MADD: variants seen among roughly 807,000 people sequenced by gnomAD.
MADD encodes the protein MAP kinase-activating death domain protein.
A neutral mutation model predicts 176.7 loss-of-function variants in MADD; 109 were observed. The ratio of observed to expected loss-of-function variants is 0.62; its 90% confidence interval spans 0.53 to 0.72. The LOEUF is 0.72. MADD is among the 30% of genes least tolerant of loss of function. MADD has a pLI of 0.00. For synonymous variants in MADD, 771 were observed against 771.3 expected (o/e 1.00, Z 0.01); for missense variants, 1,914 against 2,045.5 (o/e 0.94, Z 1.24).
At chr11:47,301,885 T>G (rs921475160) in intron 22 of MADD, among the ~76,000 whole-genome samples, 8 of 152,238 alleles carry the variant, frequency 5.3e-5, no homozygotes, top group African/African-American at 1.7e-4. Context: ...GAGAATGTTC[T>G]GGGTGTTGAT....
chr11:47,271,424 C>T (rs577411694), intron 1 of MADD, among the ~76,000 whole-genome samples: 1 of 152,282 alleles, frequency 6.6e-6, no homozygotes, highest in South Asian at 2.1e-4. Context: ...TCCTACCACC[C>T]GTAGCTAGAA....
At position 47,278,297 on chromosome 11, in the gene MADD, G is replaced by A; in HGVS notation, c.1209+19G>A. 1 of 1,552,796 alleles carries A rather than the reference G, an allele frequency of 6.4e-7. No homozygotes were observed. Among genetic ancestry groups the A allele is most frequent in the Non-Finnish European group, 8.9e-7 (1 of 1,124,274 alleles). ...CAATAGGGTGAGGTTCTTGGCTGAG[G>A]CATTGTAGAGTCTAGAGGAGGATTG... On this transcript the variant is annotated intron_variant, in intron 6 of 32. Transcript: ENST00000402192.
intron 27 of MADD, among the ~76,000 whole-genome samples, chr11:47,322,574 T>G (rs2094660970): frequency 6.6e-6 from 1 of 152,148 alleles, no homozygotes; most frequent in Non-Finnish European, 1.5e-5. Context: ...ATTGCGCCAC[T>G]GCACTCCAGC....
chr11:47,293,975 A>G (rs370821710), exon 20 of MADD: 4 of 1,613,794 alleles, frequency 2.5e-6, no homozygotes, highest in Non-Finnish European at 2.5e-6. Context: ...CCTGACGTCT[A>G]GTTCCCAGGT....
rs1399976441 is a variant in MADD at position 47,276,270 on chromosome 11, A to C, written c.963+68A>C. On this transcript the variant is annotated intron_variant, in intron 4 of 32. Coordinates refer to ENST00000402192, the Ensembl canonical transcript of MADD. Reference sequence around the variant, plus strand: ...TAAATATGCCAGTGGCCAGACCACGAGCTCTTAGAGGACAGGGACTACATA... The same window carrying C: ...TAAATATGCCAGTGGCCAGACCACGCGCTCTTAGAGGACAGGGACTACATA... 5 of 1,448,944 alleles carry C rather than the reference A, an allele frequency of 3.5e-6. No individual in the cohort carries two copies. In the African/African-American group the frequency reaches 7.1e-5, roughly 21 times the overall value. The allele number at this position is 1,448,944 out of a possible 1,614,324, so 89.8% of individuals were successfully genotyped here. A position where few individuals can be genotyped will look rare whatever the true frequency, so the allele number is the denominator to read the frequency against.
chr11:47,276,651 C>A (rs1186183448), intron 4 of MADD, 81 bp from the exon 5 acceptor site: 2 of 1,544,480 alleles, frequency 1.3e-6, no homozygotes, highest in South Asian at 1.2e-5. Flanking sequence ...AAGTGGAAAC[C>A]AAGTTGTAAT....
chr11:47,276,842 C>T (rs779251157), exon 5 of MADD: 67 of 1,614,076 alleles, frequency 4.2e-5, no homozygotes, highest in Non-Finnish European at 5.6e-5. Flanking sequence ...TGCTACCCAC[C>T]TGCATGGCAT....
intron 22 of MADD, among the ~76,000 whole-genome samples, chr11:47,302,562 A>G (rs2078696062): frequency 1.3e-5 from 2 of 151,508 alleles, no homozygotes; most frequent in South Asian, 4.1e-4. Context: ...AATTATAGCT[A>G]CTCTTGCTTG....
intron 7 of MADD, among the ~76,000 whole-genome samples, chr11:47,279,962 C>G (rs2054816860): frequency 6.6e-6 from 1 of 152,016 alleles, no homozygotes; most frequent in Non-Finnish European, 1.5e-5. Flanking sequence ...TCCAGCTACT[C>G]AGGAGGCTGA....
chr11:47,290,239 G>T, exon 18 of MADD: 1 of 1,614,098 alleles, frequency 6.2e-7, no homozygotes, highest in Non-Finnish European at 8.5e-7. Context: ...CGCGGGTCTG[G>T]GTGGCATGGC....
rs763926466 is a variant in MADD at position 47,290,750 on chromosome 11, A to G, written c.3235A>G (p.Thr1079Ala). Reference sequence around the variant, plus strand: ...ACTGGGACCTCGGGCACCAAGTGCCACAGGAAAGGGTCCTAAGGAACTGGA... The same window carrying G: ...ACTGGGACCTCGGGCACCAAGTGCCGCAGGAAAGGGTCCTAAGGAACTGGA... The change falls in exon 19 of 33, where the codon ACA becomes GCA. Residue 1079 changes from threonine (T) to alanine (A), a missense_variant. By Grantham distance (58) the Thr-to-Ala change is moderately conservative (BLOSUM62 0). Coordinates refer to ENST00000402192, the Ensembl canonical transcript of MADD. 3.1e-6 allele frequency: 5 copies of G among 1,614,178 alleles called. 1 individual carries two copies. Among genetic ancestry groups the G allele is most frequent in the South Asian group, 2.2e-5 (2 of 91,086 alleles).
At chr11:47,288,257 C>T (rs1037533295) in intron 15 of MADD, among the ~76,000 whole-genome samples, 1 of 152,164 alleles carries the variant, frequency 6.6e-6, no homozygotes, top group Admixed American at 6.5e-5. Context: ...CCAGTGCACT[C>T]CAGCCTGGAC....
At chr11:47,313,716 A>G (rs992137710) in intron 26 of MADD, among the ~76,000 whole-genome samples, 3 of 152,044 alleles carry the variant, frequency 2.0e-5, no homozygotes, top group Non-Finnish European at 2.9e-5. Flanking sequence ...ATTTTTAAAT[A>G]ACATTTTTTT....
exon 27 of MADD, chr11:47,315,300 T>A: frequency 6.2e-7 from 1 of 1,613,494 alleles, no homozygotes; most frequent in Non-Finnish European, 8.5e-7. Flanking sequence ...CAGGGACAGA[T>A]ACAAACGGAG....
intron 10 of MADD, among the ~76,000 whole-genome samples, 176 bp from the exon 11 acceptor site, chr11:47,284,002 C>T (rs368683428): frequency 2.6e-5 from 4 of 152,268 alleles, no homozygotes; most frequent in Non-Finnish European, 4.4e-5. Context: ...GCCACTGTCC[C>T]GGCCCCCATA....
chr11:47,308,728 C>A, intron 23 of MADD, 29 bp downstream of exon 25: 1 of 1,578,392 alleles, frequency 6.3e-7, no homozygotes, highest in Non-Finnish European at 8.7e-7. Context: ...AGGCCCTTTG[C>A]ACTGGAGAAA....
exon 13 of MADD, chr11:47,285,033 C>T (rs993113898): frequency 6.2e-7 from 1 of 1,614,122 alleles, no homozygotes; most frequent in South Asian, 1.1e-5. Context: ...GCAAATCGAA[C>T]GTGGACAGAC....
chr11:47,286,158 C>CT (rs2060480344), intron 14 of MADD, among the ~76,000 whole-genome samples: 1 of 152,214 alleles, frequency 6.6e-6, no homozygotes, highest in African/African-American at 2.4e-5. Flanking sequence ...TAACTGCCAG[C>CT]TTTCATGCTG....
At position 47,286,485 on chromosome 11, in the gene MADD, G is replaced by GC; in HGVS notation, c.2607dup (p.Thr870HisfsTer30). 1 of 1,614,084 alleles carries GC rather than the reference G, an allele frequency of 6.2e-7. No individual in the cohort carries two copies. The highest frequency in any genetic ancestry group is 1.3e-5 in the African/African-American group (1 of 75,010). On this transcript the variant is annotated frameshift_variant, in exon 15 of 33. Transcript: ENST00000402192. LOFTEE classifies it high-confidence loss of function. ...GCTTCAGTCTTTCAAACCTCACACT[G>GC]CCCACCAAAGGTGCCCGAGAGAAGG...
Sources: gnomAD v4.1 joint callset for allele counts (sites outside exome capture counted in the v4.1 genomes callset) on GRCh38, gnomAD v4.1.1 for gene constraint, MANE v1.5 for transcripts, NCBI Gene and HGNC (gene_info 2026-07-23, HGNC 2026-07-21) for gene names.